Variants in CCSER1 observed in about 807,000 individuals in gnomAD.
The protein encoded by CCSER1 is serine-rich coiled-coil domain-containing protein 1.
CCSER1 carries 41 observed loss-of-function variants against 82.0 expected under a neutral mutation model. The ratio of observed to expected loss-of-function variants is 0.50; its 90% CI spans 0.39 to 0.65. The LOEUF (loss-of-function observed/expected upper bound fraction) is 0.65, where lower values mean the gene tolerates loss of function less well. Ranked by LOEUF, CCSER1 falls within the 30% of genes least tolerant of loss-of-function variation. The pLI is 0.00. For missense variants in CCSER1, 1,119 were observed against 1,064.2 expected (o/e 1.05, Z -0.72); for synonymous variants, 414 against 383.9 (o/e 1.08, Z -0.92).
At chr4:90,603,657 C>T (rs1355716672) in intron 5 of CCSER1, among the ~76,000 whole-genome samples, 1 of 152,126 alleles carries the variant, frequency 6.6e-6, no homozygotes, top group African/African-American at 2.4e-5. Context: ...TGTACATCTC[C>T]CTTTTGGCAC....
intron 1 of CCSER1, among the ~76,000 whole-genome samples, chr4:90,144,988 G>A (rs533539772): frequency 1.6e-4 from 25 of 151,848 alleles, no homozygotes; most frequent in African/African-American, 5.6e-4. Flanking sequence ...CATTATTTTC[G>A]TTTCAATAAG....
chr4:90,780,342 A>C, intron 7 of CCSER1: 1 of 1,212,540 alleles, frequency 8.2e-7, no homozygotes, highest in Admixed American at 2.1e-5. Flanking sequence ...AATTATCTTT[A>C]AGAACATTTA....
chr4:90,816,349 C>A (rs17017652), intron 8 of CCSER1, among the ~76,000 whole-genome samples: 50,754 of 151,802 alleles, frequency 0.33, 8,625 homozygotes, highest in East Asian at 0.42. Flanking sequence ...CAAAAATATG[C>A]AGTGTGTGTG....
At chr4:90,391,975 T>A (rs949595089) in intron 3 of CCSER1, among the ~76,000 whole-genome samples, 1 of 152,032 alleles carries the variant, frequency 6.6e-6, no homozygotes, top group African/African-American at 2.4e-5. Context: ...TAAAGAATAT[T>A]TAAGTATTGC....
At chr4:90,230,200 A>T (rs1744174217) in intron 1 of CCSER1, among the ~76,000 whole-genome samples, 1 of 151,686 alleles carries the variant, frequency 6.6e-6, no homozygotes, top group African/African-American at 2.4e-5. Context: ...ACCTATTCCA[A>T]AATTGACCAC....
chr4:91,151,851 A>C (rs575087773), intron 10 of CCSER1, among the ~76,000 whole-genome samples: 18 of 152,190 alleles, frequency 1.2e-4, no homozygotes, highest in African/African-American at 4.1e-4. Context: ...GTTTGTTATA[A>C]TTTCTGTTCT....
intron 10 of CCSER1, among the ~76,000 whole-genome samples, chr4:91,545,566 GTTC>G (rs919813306): frequency 6.6e-6 from 1 of 151,990 alleles, no homozygotes; most frequent in African/African-American, 2.4e-5. Flanking sequence ...ATAGTAATGT[GTTC>G]TTAATTTAAA....
chr4:90,500,539 C>A (rs1207509679), intron 5 of CCSER1, among the ~76,000 whole-genome samples: 1 of 151,994 alleles, frequency 6.6e-6, no homozygotes, highest in Admixed American at 6.6e-5. Context: ...CTATGTTGGC[C>A]AGGCTTTTTT....
chr4:90,705,987 CCACT>C (rs1428928899), intron 6 of CCSER1, among the ~76,000 whole-genome samples: 4 of 152,156 alleles, frequency 2.6e-5, no homozygotes, highest in South Asian at 2.1e-4. Context: ...TGTCCTGCAC[CCACT>C]GTCTGACAAG....
chr4:90,290,645 T>A (rs908719905), intron 1 of CCSER1, among the ~76,000 whole-genome samples: 1 of 151,938 alleles, frequency 6.6e-6, no homozygotes, highest in Non-Finnish European at 1.5e-5. Context: ...CGCTCGCTTG[T>A]TTTTTGTTGA....
At chr4:90,953,568 G>C (rs60389227) in intron 9 of CCSER1, among the ~76,000 whole-genome samples, 4,787 of 151,194 alleles carry the variant, frequency 0.032, 231 homozygotes, top group African/African-American at 0.11. Context: ...TATTTCACCT[G>C]CATTCATTAC....
chr4:91,078,198 G>A (rs1257487325), intron 9 of CCSER1, among the ~76,000 whole-genome samples: 1 of 152,096 alleles, frequency 6.6e-6, no homozygotes, highest in African/African-American at 2.4e-5. Flanking sequence ...TCCCAGTAGG[G>A]GCCTACTAAC....
chr4:90,720,950 GA>G (rs980374987), intron 6 of CCSER1, among the ~76,000 whole-genome samples: 3 of 151,840 alleles, frequency 2.0e-5, no homozygotes, highest in African/African-American at 7.2e-5. Flanking sequence ...GTCAATTAAG[GA>G]AATTGTCTTC....
intron 10 of CCSER1, among the ~76,000 whole-genome samples, chr4:91,392,012 A>T (rs149348331): frequency 1.3e-5 from 2 of 152,210 alleles, no homozygotes; most frequent in African/African-American, 4.8e-5. Flanking sequence ...CATATTATTC[A>T]TATGTGCCCA....
At chr4:91,274,210 A>C (rs1742251239) in intron 10 of CCSER1, among the ~76,000 whole-genome samples, 1 of 152,066 alleles carries the variant, frequency 6.6e-6, no homozygotes, top group Non-Finnish European at 1.5e-5. Flanking sequence ...GATACATACT[A>C]TTTTTACATA....
At chr4:90,212,689 T>C (rs1044972198) in intron 1 of CCSER1, among the ~76,000 whole-genome samples, 1 of 152,332 alleles carries the variant, frequency 6.6e-6, no homozygotes, top group East Asian at 1.9e-4. Flanking sequence ...AGTATAGATA[T>C]ATTGTATGTC....
chr4:91,123,408 TAG>T (rs530113800), intron 10 of CCSER1, among the ~76,000 whole-genome samples: 41 of 151,688 alleles, frequency 2.7e-4, no homozygotes, highest in Non-Finnish European at 5.3e-4. Context: ...ATTAGTGTAG[TAG>T]TTTCTAATAT....
Position 90,232,984 on chromosome 4 carries a change from G to A in CCSER1, c.-41-75260G>A, listed in dbSNP as rs1182353442. ...AAAAGTCAGGAAACAACAGGTGCTG[G>A]AGAGGATGTGGAGAAATAGGAACAC... On this transcript the variant is annotated intron_variant, in intron 1 of 10. Coordinates refer to ENST00000509176, the MANE Select transcript of CCSER1 (RefSeq NM_001145065.2). 1.7e-3 allele frequency among the ~76,000 whole-genome samples: 260 copies of A among 151,360 alleles called. 2 individuals are homozygous for A. The highest frequency in any genetic ancestry group is 5.8e-3 in the African/African-American group (242 of 41,438).
chr4:90,864,128 T>C (rs1338366269), intron 8 of CCSER1, among the ~76,000 whole-genome samples: 1 of 151,844 alleles, frequency 6.6e-6, no homozygotes, highest in Non-Finnish European at 1.5e-5. Context: ...GATCCTCCCA[T>C]ATTTTCCATG....
Sources: allele counts gnomAD v4.1 joint callset (sites outside exome capture counted in the v4.1 genomes callset), GRCh38; gene constraint gnomAD v4.1.1; transcripts MANE v1.5; gene names NCBI Gene and HGNC (gene_info 2026-07-23, HGNC 2026-07-21).